Variants in PLA2G4A observed in about 807,000 individuals in gnomAD.
PLA2G4A encodes the protein cytosolic phospholipase A2.
A neutral mutation model predicts 81.9 loss-of-function variants in PLA2G4A; 40 were observed. The observed-to-expected ratio is 0.49, with a 90% CI of 0.38 to 0.64. PLA2G4A has a LOEUF of 0.64. Ranked by LOEUF, PLA2G4A falls within the 30% of genes least tolerant of loss-of-function variation. The probability of loss-of-function intolerance (pLI) is 0.00; values close to 1 mark genes in which losing one functional copy is unlikely to be tolerated. For missense variants in PLA2G4A, 715 were observed against 905.1 expected (o/e 0.79, Z 2.69); for synonymous variants, 302 against 296.9 (o/e 1.02, Z -0.18).
chr1:186,858,227 T>C (rs2102035725), intron 2 of PLA2G4A, among the ~76,000 whole-genome samples: 1 of 152,272 alleles, frequency 6.6e-6, no homozygotes, highest in East Asian at 1.9e-4. Flanking sequence ...CCACCAACAG[T>C]GTAAAAGCAT....
chr1:186,979,338 GAGAA>G lies in PLA2G4A; in HGVS notation c.1990_1993del (p.Glu664SerfsTer38). The G allele has an allele frequency of 6.2e-7, 1 of 1,612,894 alleles. No homozygotes were observed. On this transcript the variant is annotated frameshift_variant, in exon 17 of 18. Coordinates refer to ENST00000367466, the MANE Select transcript of PLA2G4A (RefSeq NM_024420.3). LOFTEE classifies it high-confidence loss of function. The stretch of plus-strand genomic sequence containing the variant: ...AGGTGTTCCAAGGGAAACTGAGGAA[GAGAA>G]AGAAATCGCTGACTTTGATATTTTT...
At chr1:186,929,827 C>A (rs1311564039) in intron 7 of PLA2G4A, among the ~76,000 whole-genome samples, 1 of 152,122 alleles carries the variant, frequency 6.6e-6, no homozygotes, top group African/African-American at 2.4e-5. Context: ...GTTGGGAGGG[C>A]AAGGTGGGCA....
At chr1:186,877,336 G>T (rs1416160464) in intron 3 of PLA2G4A, among the ~76,000 whole-genome samples, 2 of 151,950 alleles carry the variant, frequency 1.3e-5, no homozygotes, top group African/African-American at 4.8e-5. Context: ...CAATAAATGT[G>T]ACCCATTATT....
At chr1:186,880,162 T>C (rs966699965) in intron 3 of PLA2G4A, among the ~76,000 whole-genome samples, 3 of 152,054 alleles carry the variant, frequency 2.0e-5, no homozygotes, top group African/African-American at 7.2e-5. Context: ...AGTGGGAAGA[T>C]GAAATGGGCT....
rs1319249835 is a variant in PLA2G4A at position 186,939,072 on chromosome 1, G to T, written c.760G>T (p.Glu254Ter). ...GAAAGGGCCAGAGGAGATTAATGAAGAACTAATGAAAAATGTTAGCCACAA... is the reference window on the plus strand; with the variant it reads ...GAAAGGGCCAGAGGAGATTAATGAATAACTAATGAAAAATGTTAGCCACAA... ...PEKGPEEINE[E>*]LMKNVSHNPL... is the part of the protein sequence containing the mutation. The change falls in exon 9 of 18, where the codon GAA (glutamate) becomes TAA (stop). Residue 254 changes from glutamate to a stop codon, truncating the protein, a stop_gained. Coordinates refer to ENST00000367466, the MANE Select transcript of PLA2G4A (RefSeq NM_024420.3). LOFTEE classifies it high-confidence loss of function. 1 of 1,611,274 alleles carries T rather than the reference G, an allele frequency of 6.2e-7. No homozygotes were observed. Among genetic ancestry groups the T allele is most frequent in the East Asian group, 2.2e-5 (1 of 44,810 alleles).
chr1:186,948,221 G>A (rs1486693079), intron 12 of PLA2G4A, among the ~76,000 whole-genome samples: 1 of 152,048 alleles, frequency 6.6e-6, no homozygotes, highest in Non-Finnish European at 1.5e-5. Flanking sequence ...TGGAGCCAAA[G>A]ATTTTAAAAT....
intron 3 of PLA2G4A, among the ~76,000 whole-genome samples, chr1:186,882,913 C>T (rs978771740): frequency 2.6e-5 from 4 of 152,048 alleles, no homozygotes; most frequent in African/African-American, 9.6e-5. Context: ...TCTCGTGTTT[C>T]TAGGCCAGAC....
In PLA2G4A at chr1:186,939,089, T is replaced by A. The variant is rs1466642822; in HGVS notation, c.777T>A (p.Val259=). 1 of 1,610,846 alleles carries A rather than the reference T, an allele frequency of 6.2e-7. No homozygotes were observed. The highest frequency in any genetic ancestry group is 8.5e-7 in the Non-Finnish European group (1 of 1,177,114). ...EEINEELMKN[V]SHNPLLLLTP... is the part of the protein sequence containing the mutation. Reference sequence around the variant, plus strand: ...TTAATGAAGAACTAATGAAAAATGTTAGCCACAATCCCCTTTTACTTCTCA... The same window carrying A: ...TTAATGAAGAACTAATGAAAAATGTAAGCCACAATCCCCTTTTACTTCTCA... The change falls in exon 9 of 18, where the codon GTT becomes GTA. Residue 259 remains valine (V), a synonymous_variant. Coordinates refer to ENST00000367466, the MANE Select transcript of PLA2G4A (RefSeq NM_024420.3).
intron 10 of PLA2G4A, among the ~76,000 whole-genome samples, chr1:186,946,045 A>G (rs11587539): frequency 6.6e-6 from 1 of 151,938 alleles, no homozygotes; most frequent in African/African-American, 2.4e-5. Flanking sequence ...GCAAAATAGG[A>G]TTTGATCCCA....
rs796798166 is a variant in PLA2G4A at position 186,896,733 on chromosome 1, AT to A, written c.378+2530del. On this transcript the variant is annotated intron_variant, in intron 5 of 17. Transcript: ENST00000367466. ...TGAATTTAAAGAAGATTATGTAACT[AT>A]TTTTTTTAGTGTGCCTGAGAAAATA... Among the ~76,000 whole-genome samples, 141 of 151,998 alleles carry A rather than the reference AT, an allele frequency of 9.3e-4. 1 individual carries two copies. Among genetic ancestry groups the A allele is most frequent in the African/African-American group, 3.1e-3 (129 of 41,476 alleles).
chr1:186,950,260 C>A (rs546714294), intron 12 of PLA2G4A, among the ~76,000 whole-genome samples: 2 of 152,202 alleles, frequency 1.3e-5, no homozygotes, highest in South Asian at 4.2e-4. Context: ...TGTTTGGTAG[C>A]TCACCTGTAG....
intron 14 of PLA2G4A, among the ~76,000 whole-genome samples, chr1:186,963,980 T>C (rs1415826133): frequency 6.6e-6 from 1 of 152,230 alleles, no homozygotes; most frequent in African/African-American, 2.4e-5. Context: ...TCTTAAAATC[T>C]AATAAGTAAA....
intron 1 of PLA2G4A, among the ~76,000 whole-genome samples, chr1:186,842,776 AC>A (rs1326301427): frequency 6.6e-6 from 1 of 152,096 alleles, no homozygotes; most frequent in African/African-American, 2.4e-5. Flanking sequence ...TGGACTTCCA[AC>A]CTCCAGAACT....
At chr1:186,833,353 C>T (rs1316398799) in intron 1 of PLA2G4A, among the ~76,000 whole-genome samples, 4 of 152,166 alleles carry the variant, frequency 2.6e-5, no homozygotes, top group Non-Finnish European at 5.9e-5. Context: ...TTTGACCACA[C>T]ACCGCACTCA....
intron 2 of PLA2G4A, among the ~76,000 whole-genome samples, chr1:186,868,922 CTT>C (rs779852874): frequency 1.4e-5 from 2 of 140,618 alleles, no homozygotes; most frequent in African/African-American, 2.6e-5. Context: ...CTCTCTCATC[CTT>C]TTTTTTTTTT....
chr1:186,833,627 G>T (rs1303542110), intron 1 of PLA2G4A, among the ~76,000 whole-genome samples: 2 of 152,116 alleles, frequency 1.3e-5, no homozygotes, highest in Non-Finnish European at 2.9e-5. Context: ...GTTAATAAAG[G>T]ATGCATTACA....
intron 7 of PLA2G4A, among the ~76,000 whole-genome samples, chr1:186,917,882 A>C (rs1027921434): frequency 1.7e-4 from 26 of 152,252 alleles, no homozygotes; most frequent in African/African-American, 6.3e-4. Context: ...TGCTGTCGGC[A>C]TGTAATGCAC....
chr1:186,863,298 G>C (rs1278435539), intron 2 of PLA2G4A, among the ~76,000 whole-genome samples: 2 of 152,150 alleles, frequency 1.3e-5, no homozygotes, highest in Non-Finnish European at 2.9e-5. Flanking sequence ...TTCACTGCTA[G>C]AGCAATCCCT....
intron 6 of PLA2G4A, among the ~76,000 whole-genome samples, chr1:186,908,795 A>G (rs1287590882): frequency 6.6e-6 from 1 of 151,852 alleles, no homozygotes; most frequent in East Asian, 1.9e-4. Flanking sequence ...AAAACCTGCA[A>G]AATGAAAACC....
Sources: allele counts gnomAD v4.1 joint callset (sites outside exome capture counted in the v4.1 genomes callset), GRCh38; gene constraint gnomAD v4.1.1; transcripts MANE v1.5; gene names NCBI Gene and HGNC (gene_info 2026-07-23, HGNC 2026-07-21).